The following FN1 variants were observed in gnomAD, a reference collection of about 807,000 sequenced individuals.
FN1 encodes fibronectin.
A neutral mutation model predicts 297.3 loss-of-function variants in FN1; 106 were observed. That is an observed-to-expected ratio of 0.36 (90% CI 0.30 to 0.42). The LOEUF is 0.42. Among genes scored for constraint, FN1 ranks in the 10% least tolerant of loss-of-function variants. The probability of loss-of-function intolerance (pLI) is 1.00; values close to 1 mark genes in which losing one functional copy is unlikely to be tolerated. For missense variants in FN1, 2,690 were observed against 3,124.9 expected (o/e 0.86, Z 3.32); for synonymous variants, 1,149 against 1,152.6 (o/e 1.00, Z 0.06).
At chr2:215,424,898 T>C (rs1346266601) in intron 7 of FN1, among the ~76,000 whole-genome samples, 196 bp downstream of exon 7, 1 of 152,184 alleles carries the variant, frequency 6.6e-6, no homozygotes, top group Non-Finnish European at 1.5e-5. Context: ...ACCCATGATA[T>C]CCATGACCAG....
chr2:215,421,610 A>G (rs1016927540), intron 10 of FN1, among the ~76,000 whole-genome samples: 1 of 152,368 alleles, frequency 6.6e-6, no homozygotes, highest in Non-Finnish European at 1.5e-5. Context: ...TAAAAAGTCA[A>G]TACTTCCTCA....
intron 28 of FN1, among the ~76,000 whole-genome samples, chr2:215,386,083 T>A (rs1021489150): frequency 6.8e-6 from 1 of 146,850 alleles, no homozygotes; most frequent in Non-Finnish European, 1.5e-5. Flanking sequence ...GCCCTTTTTT[T>A]TTTTTTTTTT....
At chr2:215,387,285 T>G (rs1263333311) in intron 27 of FN1, among the ~76,000 whole-genome samples, 1 of 152,200 alleles carries the variant, frequency 6.6e-6, no homozygotes, top group East Asian at 1.9e-4. Context: ...CTTCTGAGAA[T>G]TGACATTTTC....
At chr2:215,428,972 A>C (rs1223958261) in intron 5 of FN1, among the ~76,000 whole-genome samples, 1 of 152,070 alleles carries the variant, frequency 6.6e-6, no homozygotes, top group Non-Finnish European at 1.5e-5. Flanking sequence ...CTGAGATCAC[A>C]CCATTGCACT....
intron 6 of FN1, among the ~76,000 whole-genome samples, chr2:215,425,938 C>T (rs1417009386): frequency 6.6e-6 from 1 of 152,114 alleles, no homozygotes; most frequent in Non-Finnish European, 1.5e-5. Context: ...TCAACACATC[C>T]TCACTCTTCT....
intron 33 of FN1, chr2:215,380,311 T>G (rs568531878): frequency 4.5e-4 from 77 of 170,618 alleles, no homozygotes; most frequent in Non-Finnish European, 8.9e-4. Context: ...TGGAAAGCAA[T>G]TGCCCTATTG....
chr2:215,406,602 A>G, intron 18 of FN1, 92 bp from the exon 19 acceptor site: 1 of 1,349,018 alleles, frequency 7.4e-7, no homozygotes, highest in Non-Finnish European at 1.0e-6. Context: ...CAGTTCATTG[A>G]GCCTCTCATT....
At chr2:215,426,367 C>G (rs181235653) in intron 6 of FN1, among the ~76,000 whole-genome samples, 1,960 of 152,162 alleles carry the variant, frequency 0.013, 31 homozygotes, top group African/African-American at 0.044. Flanking sequence ...CCAGGATGGT[C>G]TCGATCTCCT....
At chr2:215,385,567 G>GAGAA (rs1553614325) in intron 28 of FN1, among the ~76,000 whole-genome samples, 2 of 113,952 alleles carry the variant, frequency 1.8e-5, no homozygotes, top group Non-Finnish European at 1.9e-5. Flanking sequence ...ATTTCAGGAA[G>GAGAA]AAAAAAAAAA....
chr2:215,423,480 G>C lies in FN1; in HGVS notation c.1263C>G (p.His421Gln), dbSNP rs909417740. ...RGGNSNGALC[H>Q]FPFLYNNHNY... ...TGTGGTTGTTGTATAGGAAGGGGAA[G>C]TGGCACAAGGCACCATTGGAATTTC... The change falls in exon 9 of 46, where the codon CAC becomes CAG. Residue 421 changes from histidine to glutamine, a missense_variant. His to Gln is a conservative substitution (Grantham distance 24). Coordinates refer to ENST00000354785, the MANE Select transcript of FN1 (RefSeq NM_212482.4). 3.1e-6 allele frequency: 5 copies of C among 1,614,098 alleles called. No homozygotes were observed. In the African/African-American group the frequency reaches 5.3e-5, roughly 17 times the overall value.
At chr2:215,427,142 T>C (rs2065602949) in intron 6 of FN1, among the ~76,000 whole-genome samples, 1 of 152,206 alleles carries the variant, frequency 6.6e-6, no homozygotes, top group South Asian at 2.1e-4. Flanking sequence ...CCCAAAGTGC[T>C]GGGATTACAG....
chr2:215,411,466 T>G (rs571219962), intron 13 of FN1, among the ~76,000 whole-genome samples: 7 of 152,324 alleles, frequency 4.6e-5, no homozygotes, highest in Admixed American at 1.3e-4. Flanking sequence ...GTGGAAAATT[T>G]TGAAACCAGT....
Position 215,361,621 on chromosome 2 carries a change from A to C in FN1, c.7368T>G (p.Val2456=), listed in dbSNP as rs574336108. ...GCATGAAGCACTCAATTGGGCAATT[A>C]ACATTCTGTTAAAAAGGAAGAAGGA... ...QRYHQRTNTN[V]NCPIECFMPL... The change falls in exon 46 of 46, where the codon GTT becomes GTG. Residue 2456 remains valine (V), a synonymous_variant. Coordinates refer to ENST00000354785, the MANE Select transcript of FN1 (RefSeq NM_212482.4). The C allele has an allele frequency of 8.9e-5, 144 of 1,610,488 alleles. 1 individual carries two copies. In the South Asian group the frequency reaches 1.5e-3, roughly 16 times the overall value.
intron 21 of FN1, 152 bp from the exon 22 acceptor site, chr2:215,398,000 A>G (rs2060508761): frequency 1.4e-6 from 1 of 738,812 alleles, no homozygotes; most frequent in Non-Finnish European, 2.3e-6. Flanking sequence ...ACTCTTTTAT[A>G]TACTTTAGCT....
intron 35 of FN1, 118 bp downstream of exon 35, chr2:215,378,057 C>G: frequency 1.3e-6 from 1 of 750,822 alleles, no homozygotes; most frequent in Non-Finnish European, 2.4e-6. Context: ...ACGCTCCCGC[C>G]TCAGCTTCCC....
chr2:215,433,337 G>A lies in FN1; in HGVS notation c.402C>T (p.Ser134=). The change falls in exon 3 of 46, where the codon AGC becomes AGT. Residue 134 remains serine, a synonymous_variant. Coordinates refer to ENST00000354785, the MANE Select transcript of FN1 (RefSeq NM_212482.4). ...TCTCTTCCTTACTTGCGATGGTACA[G>A]CTTATTCTCCCTCGCCCAGCCCCGA... The part of the protein sequence containing the change: ...TCIGAGRGRI[S]CTIANRCHEG... The A allele has an allele frequency of 1.9e-6, 3 of 1,614,144 alleles. No individual in the cohort carries two copies. Among genetic ancestry groups the A allele is most frequent in the Non-Finnish European group, 2.5e-6 (3 of 1,179,994 alleles).
chr2:215,424,005 C>T, intron 8 of FN1, 141 bp downstream of exon 8: 1 of 832,928 alleles, frequency 1.2e-6, no homozygotes. Context: ...TACGTGAGCG[C>T]TGCGATCTCT....
intron 33 of FN1, 22 bp downstream of exon 33, chr2:215,380,789 G>C (rs1286382671): frequency 6.2e-7 from 1 of 1,611,634 alleles, no homozygotes; most frequent in Admixed American, 1.7e-5. Flanking sequence ...ATGGGCACCT[G>C]GTGGTGCAAT....
In FN1 at chr2:215,361,088, A is replaced by G. The variant is rs2053372441; in HGVS notation, c.*467T>C. 6.4e-6 allele frequency: 1 copy of G among 157,144 alleles called. No homozygotes were observed. The highest frequency in any genetic ancestry group is 2.4e-5 in the African/African-American group (1 of 41,490). 9.7% of individuals were successfully genotyped at this position (157,144 alleles called of 1,614,324 possible). On this transcript the variant is annotated 3_prime_UTR_variant, in exon 46 of 46. Coordinates refer to ENST00000354785, the MANE Select transcript of FN1 (RefSeq NM_212482.4). ...CTAGGCAATTACTAGGATCATTTGG[A>G]AAAAGTGAGTACTGTGGATATTTAA...
Sources: allele counts gnomAD v4.1 joint callset (sites outside exome capture counted in the v4.1 genomes callset), GRCh38; gene constraint gnomAD v4.1.1; transcripts MANE v1.5; gene names NCBI Gene and HGNC (gene_info 2026-07-23, HGNC 2026-07-21).